ZNF665: variants seen among roughly 807,000 people sequenced by gnomAD.
ZNF665 encodes zinc finger protein 665.
A neutral mutation model predicts 7.9 loss-of-function variants in ZNF665; 6 were observed. The ratio of observed to expected loss-of-function variants is 0.76; its 90% CI spans 0.42 to 1.50. The LOEUF is 1.50. Ranked by LOEUF, ZNF665 falls within the 40% of genes most tolerant of loss-of-function variation. The pLI is 0.01. For synonymous variants in ZNF665, 242 were observed against 274.5 expected (o/e 0.88, Z 1.17); for missense variants, 819 against 806.7 (o/e 1.02, Z -0.18).
intron 2 of ZNF665, chr19:53,179,976 T>G (rs1001529055): frequency 1.3e-4 from 20 of 152,162 alleles, no homozygotes; most frequent in African/African-American, 3.6e-4. Flanking sequence ...GGTTTTTGAG[T>G]TGTTTTTCCT....
chr19:53,166,093 C>G lies in ZNF665; in HGVS notation c.397G>C (p.Gly133Arg). ...AGCTGATTTTCAATATGCCTGTTTC[C>G]TGCAGCCCTTCTATCACGTTGAGCT... Reference protein sequence around the residue: ...RRAQRDRRAAGNRHIENQLGV... With the variant: ...RRAQRDRRAARNRHIENQLGV... Residue 133 changes from glycine (G) to arginine (R), a missense_variant, in exon 4 of 4, where the codon GGA becomes CGA. Physicochemically the swap from Gly to Arg is moderately radical, Grantham distance 125. Transcript: ENST00000396424. 1 of 1,613,998 alleles carries G rather than the reference C, an allele frequency of 6.2e-7. No homozygotes were observed. The highest frequency in any genetic ancestry group is 8.5e-7 in the Non-Finnish European group (1 of 1,179,920).
Position 53,166,020 on chromosome 19 carries a change from T to A in ZNF665, c.470A>T (p.His157Leu), listed in dbSNP as rs4801959. 5.0e-6 allele frequency: 8 copies of A among 1,613,984 alleles called. No homozygotes were observed. The highest frequency in any genetic ancestry group is 2.2e-5 in the East Asian group (1 of 44,872). Residue 157 changes from histidine (H) to leucine (L), a missense_variant, in exon 4 of 4, where the codon CAT becomes CTT. Transcript: ENST00000396424. Reference protein sequence around the residue: ...SHLPELQQFQHEGKIYEYNQV... With the variant: ...SHLPELQQFQLEGKIYEYNQV... ...ATTGTATTCATAAATTTTCCCTTCA[T>A]GTTGAAATTGCTGCAGTTCAGGGAG...
intron 2 of ZNF665, chr19:53,181,651 AAC>A (rs1208169865): frequency 1.3e-5 from 2 of 152,218 alleles, no homozygotes; most frequent in Non-Finnish European, 2.9e-5. Flanking sequence ...ATTAGACACA[AAC>A]ACACAATGCA....
chr19:53,178,285 C>A (rs531321125), intron 2 of ZNF665, among the ~76,000 whole-genome samples: 49 of 152,222 alleles, frequency 3.2e-4, no homozygotes, highest in Non-Finnish European at 6.5e-4. Context: ...AGCAGCTGCT[C>A]ACGTTCTACT....
At chr19:53,176,726 C>T (rs2090701251) in intron 2 of ZNF665, among the ~76,000 whole-genome samples, 1 of 152,180 alleles carries the variant, frequency 6.6e-6, no homozygotes, top group Non-Finnish European at 1.5e-5. Flanking sequence ...GGAGGACACC[C>T]AGGTCATATA....
At chr19:53,180,757 T>C (rs2090732236) in intron 2 of ZNF665, 1 of 152,198 alleles carries the variant, frequency 6.6e-6, no homozygotes, top group Non-Finnish European at 1.5e-5. Context: ...TAAATTAAGC[T>C]GTAAAAACGC....
rs542548575 is a variant in ZNF665, at chr19:53,163,418, T to C, written c.*1035A>G. The C allele has an allele frequency of 6.6e-6, 1 of 152,312 alleles. No individual in the cohort carries two copies. The highest frequency in any genetic ancestry group is 1.9e-4 in the East Asian group (1 of 5,176). The allele number at this position is 152,312 out of a possible 1,614,324, so 9.4% of individuals were successfully genotyped here. On this transcript the variant is annotated 3_prime_UTR_variant, in exon 4 of 4. Coordinates refer to ENST00000396424, the MANE Select transcript of ZNF665 (RefSeq NM_024733.5). ...GCAATAAGGATGATGAGTGACATCA[T>C]AGTTCATCATCCTCTGCCCTTTCCA... is the stretch of plus-strand genomic sequence containing the variant.
Position 53,164,492 on chromosome 19 carries a change from A to C in ZNF665, c.1998T>G (p.Asn666Lys). Residue 666 changes from asparagine (N) to lysine (K), a missense_variant, in exon 4 of 4, where the codon AAT (asparagine) becomes AAG (lysine). Transcript: ENST00000396424. ...TTCTTCGATGTTTTGCAAGGTTTGA[A>C]TTTTGAGTAAAGACCTTGCCACATT... Reference protein sequence around the residue: ...CNQCGKVFTQNSNLAKHRRIH... With the variant: ...CNQCGKVFTQKSNLAKHRRIH... 1 of 1,604,004 alleles carries C rather than the reference A, an allele frequency of 6.2e-7. No homozygotes were observed. The highest frequency in any genetic ancestry group is 1.3e-5 in the African/African-American group (1 of 74,610).
rs1187536526 is a variant in ZNF665, at chr19:53,164,250, G to C, written c.*203C>G. On this transcript the variant is annotated 3_prime_UTR_variant, in exon 4 of 4. Transcript: ENST00000396424. ...CCTCCCAGGTTCAAGTGATTCTCCT[G>C]CCTCAGCCTCCCGAGTAGCTGGGAT... The C allele has an allele frequency of 7.4e-6, 3 of 403,704 alleles. No homozygotes were observed. Among genetic ancestry groups the C allele is most frequent in the African/African-American group, 6.2e-5 (3 of 48,496 alleles). The allele number at this position is 403,704 out of a possible 1,614,324, so 25.0% of individuals were successfully genotyped here.
rs1392848680 is a variant in ZNF665, at chr19:53,165,984, T to G, written c.506A>C (p.Lys169Thr). 1 of 1,613,836 alleles carries G rather than the reference T, an allele frequency of 6.2e-7. No homozygotes were observed. Among genetic ancestry groups the G allele is most frequent in the African/African-American group, 1.3e-5 (1 of 75,052 alleles). ...ATGTTTTCCTCGATTATTAGGAGAC[T>G]TCTCAACTTGATTGTATTCATAAAT... The part of the protein sequence containing the change: ...GKIYEYNQVE[K>T]SPNNRGKHYK... Residue 169 changes from lysine to threonine, a missense_variant, in exon 4 of 4, where the codon AAG becomes ACG. Transcript: ENST00000396424.
intron 3 of ZNF665, among the ~76,000 whole-genome samples, chr19:53,169,905 T>G (rs1222801483): frequency 6.9e-6 from 1 of 145,084 alleles, no homozygotes; most frequent in Non-Finnish European, 1.5e-5. Context: ...GGTGTATATG[T>G]GCCACATTTT....
In ZNF665 at chr19:53,164,533, G is replaced by A; in HGVS notation, c.1957C>T (p.Pro653Ser). 2 of 1,613,666 alleles carry A rather than the reference G, an allele frequency of 1.2e-6. No individual in the cohort carries two copies. The highest frequency in any genetic ancestry group is 2.2e-5 in the South Asian group (2 of 90,972). ...THMAVHTGDK[P>S]YKCNQCGKVF... ...TTGCCACATTGGTTACATTTGTAAG[G>A]TTTGTCTCCAGTATGGACTGCCATA... Residue 653 changes from proline (P) to serine (S), a missense_variant, in exon 4 of 4, where the codon CCT becomes TCT. Coordinates refer to ENST00000396424, the MANE Select transcript of ZNF665 (RefSeq NM_024733.5).
intron 1 of ZNF665, among the ~76,000 whole-genome samples, 173 bp from the exon 2 acceptor site, chr19:53,183,116 A>T (rs1449700693): frequency 6.6e-6 from 1 of 152,180 alleles, no homozygotes; most frequent in Non-Finnish European, 1.5e-5. Context: ...AGATGCAGGG[A>T]TGAGAAACTC....
chr19:53,175,723 C>T (rs540382800), intron 2 of ZNF665, among the ~76,000 whole-genome samples, 152 bp from the exon 3 acceptor site: 1 of 152,304 alleles, frequency 6.6e-6, no homozygotes, highest in South Asian at 2.1e-4. Context: ...CAGATTTGAT[C>T]TTCCTCCCCT....
At chr19:53,190,334 G>C (rs2090807852) in intron 1 of ZNF665, 1 of 152,074 alleles carries the variant, frequency 6.6e-6, no homozygotes, top group Non-Finnish European at 1.5e-5. Context: ...TTTGAGACAG[G>C]AAAAAATTAA....
In ZNF665 at chr19:53,164,918, A is replaced by C; in HGVS notation, c.1572T>G (p.Ser524Arg). Residue 524 changes from serine to arginine, a missense_variant, in exon 4 of 4, where the codon AGT (serine) becomes AGG (arginine). Transcript: ENST00000396424. ...YKCNECGKAF[S>R]VHSSLTIHQT... ...GATGTATAGTTAGGCTTGAATGAAC[A>C]CTAAAGGCTTTGCCACACTCATTAC... 1 of 1,614,184 alleles carries C rather than the reference A, an allele frequency of 6.2e-7. No homozygotes were observed. The highest frequency in any genetic ancestry group is 8.5e-7 in the Non-Finnish European group (1 of 1,180,034).
chr19:53,165,310 T>C lies in ZNF665; in HGVS notation c.1180A>G (p.Ile394Val), dbSNP rs761620520. 66 of 1,613,188 alleles carry C rather than the reference T, an allele frequency of 4.1e-5. No individual in the cohort carries two copies. The highest frequency in any genetic ancestry group is 5.0e-5 in the Non-Finnish European group (59 of 1,179,586). ...SMHSNLTKHQ[I>V]IHTGEKPFKC... is the part of the protein sequence containing the mutation. ...AAAGGCTTTTCTCCGGTATGGATGA[T>C]CTGATGCTTAGTTAAGTTTGAATGC... The change falls in exon 4 of 4, where the codon ATC becomes GTC. Residue 394 changes from isoleucine (I) to valine (V), a missense_variant. By Grantham distance (29) the Ile-to-Val change is conservative. Transcript: ENST00000396424.
rs2090575307 is a variant in ZNF665, at chr19:53,162,951, A to T, written c.*1502T>A. 2 of 152,110 alleles carry T rather than the reference A, an allele frequency of 1.3e-5. No individual in the cohort carries two copies. Among genetic ancestry groups the T allele is most frequent in the South Asian group, 4.1e-4 (2 of 4,828 alleles). The allele number at this position is 152,110 out of a possible 1,614,324, so 9.4% of individuals were successfully genotyped here. On this transcript the variant is annotated 3_prime_UTR_variant, in exon 4 of 4. Transcript: ENST00000396424. ...TTCTGCATTATTTGTACCACACATC[A>T]GTCCCTAATAAGCTATTACTCTCCT...
chr19:53,184,129 A>G (rs760761200), intron 1 of ZNF665, among the ~76,000 whole-genome samples: 5 of 152,084 alleles, frequency 3.3e-5, no homozygotes, highest in African/African-American at 4.8e-5. Context: ...ACGTGCCTGT[A>G]GTCCCAGCTA....
Sources: allele counts gnomAD v4.1 joint callset (sites outside exome capture counted in the v4.1 genomes callset), GRCh38; gene constraint gnomAD v4.1.1; transcripts MANE v1.5; gene names NCBI Gene and HGNC (gene_info 2026-07-23, HGNC 2026-07-21).